Variants in PRELID2 observed in about 807,000 individuals in gnomAD.
The protein encoded by PRELID2 is PRELI domain containing 2, also known as PRELI domain-containing protein 2.
A neutral mutation model predicts 28.4 loss-of-function variants in PRELID2; 25 were observed. The ratio of observed to expected loss-of-function variants is 0.88; its 90% CI spans 0.64 to 1.23. PRELID2 has a LOEUF of 1.23. Ranked by LOEUF, PRELID2 falls within the 50% of genes most tolerant of loss-of-function variation. The probability of loss-of-function intolerance (pLI) is 0.00; values close to 1 mark genes in which losing one functional copy is unlikely to be tolerated. For missense variants in PRELID2, 201 were observed against 214.4 expected (o/e 0.94, Z 0.39); for synonymous variants, 76 against 71.6 (o/e 1.06, Z -0.31).
intron 1 of PRELID2, among the ~76,000 whole-genome samples, chr5:145,635,159 T>G (rs1753983127): frequency 6.6e-6 from 1 of 152,232 alleles, no homozygotes; most frequent in African/African-American, 2.4e-5. Flanking sequence ...GCTTCTACCT[T>G]CTGTTTAGCA....
chr5:145,346,435 A>G, the PRELID2 span, among the ~76,000 whole-genome samples: 7,158 of 152,238 alleles, frequency 0.047, 589 homozygotes, highest in African/African-American at 0.16. Context: ...TAGTAACATC[A>G]TTTAAGGAAA....
chr5:145,750,915 A>T (rs1332068671), intron 1 of PRELID2, among the ~76,000 whole-genome samples: 1 of 152,188 alleles, frequency 6.6e-6, no homozygotes, highest in South Asian at 2.1e-4. Context: ...TAATTATACC[A>T]ATTCCCATTG....
At chr5:145,558,250 T>C (rs9986311) in intron 1 of PRELID2, among the ~76,000 whole-genome samples, 53,388 of 152,078 alleles carry the variant, frequency 0.35, 10,314 homozygotes, top group African/African-American at 0.53. Context: ...CTAAAGGATG[T>C]ACTCGATAAT....
intron 1 of PRELID2, among the ~76,000 whole-genome samples, chr5:145,556,193 A>G (rs112195444): frequency 0.021 from 3,106 of 150,060 alleles, 62 homozygotes; most frequent in African/African-American, 0.051. Context: ...AAAAAAAAAA[A>G]AAAAGAAAAG....
the PRELID2 span, among the ~76,000 whole-genome samples, chr5:145,242,492 G>A: frequency 4.6e-5 from 7 of 152,050 alleles, no homozygotes; most frequent in African/African-American, 1.4e-4. Flanking sequence ...TAAAGGGTCT[G>A]TCCAAGGTTA....
the PRELID2 span, among the ~76,000 whole-genome samples, chr5:145,286,692 A>C: frequency 6.8e-6 from 1 of 146,034 alleles, no homozygotes; most frequent in East Asian, 2.0e-4. Flanking sequence ...CTGCCAACAT[A>C]GAAGTTTTTG....
At position 145,643,058 on chromosome 5, in the gene PRELID2, C is replaced by T. The variant is rs537926341; in HGVS notation, n.70+121873G>A. On this transcript the variant is annotated intron_variant and non_coding_transcript_variant, in intron 1 of 2. Coordinates refer to the PRELID2 transcript ENST00000510259. ...TTTTTTCCAATTCTATGAAGAAAGT[C>T]AATGGTAGCTTGACGGGGATAGCAT... Among the ~76,000 whole-genome samples the T allele has an allele frequency of 1.6e-4, 24 of 152,246 alleles. No homozygotes were observed. The South Asian group carries it at 5.0e-3, about 32-fold the overall frequency.
At chr5:145,347,697 T>C in the PRELID2 span, among the ~76,000 whole-genome samples, 1 of 151,988 alleles carries the variant, frequency 6.6e-6, no homozygotes, top group Non-Finnish European at 1.5e-5. Context: ...TTTACCCCCT[T>C]TGAGTAAATA....
At chr5:145,450,463 C>T in the PRELID2 span, among the ~76,000 whole-genome samples, 6 of 152,018 alleles carry the variant, frequency 3.9e-5, no homozygotes, top group East Asian at 3.9e-4. Flanking sequence ...CCTGGGCAGC[C>T]GGTCAGTGAC....
chr5:145,822,130 G>C (rs1335801289), intron 2 of PRELID2, among the ~76,000 whole-genome samples: 3 of 152,176 alleles, frequency 2.0e-5, no homozygotes, highest in Admixed American at 6.5e-5. Context: ...TGATTCCTAA[G>C]AAGGGTAAAG....
In PRELID2 at chr5:145,740,836, TTA is replaced by T. The variant is rs1756675349; in HGVS notation, n.70+24093_70+24094del. Among the ~76,000 whole-genome samples, 3 of 113,988 alleles carry T rather than the reference TTA, an allele frequency of 2.6e-5. 1 individual carries two copies. Among genetic ancestry groups the T allele is most frequent in the African/African-American group, 1.0e-4 (3 of 29,514 alleles). The allele number at this position is 113,988 out of a possible 152,430, so 74.8% of individuals were successfully genotyped here. A position where few individuals can be genotyped will look rare whatever the true frequency, so the allele number is the denominator to read the frequency against. On this transcript the variant is annotated intron_variant and non_coding_transcript_variant, in intron 1 of 2. Coordinates refer to the PRELID2 transcript ENST00000510259. ...ATTATACATATATACAAATATATAT[TTA>T]TCGATAAATATATATGTACATATAT...
chr5:145,467,249 C>A (rs970015790), downstream of PRELID2, among the ~76,000 whole-genome samples: 17 of 152,106 alleles, frequency 1.1e-4, no homozygotes, highest in African/African-American at 3.9e-4. Flanking sequence ...CAGAACACAA[C>A]TCTAGCCCAC....
chr5:145,569,440 T>C (rs1752998879), intron 1 of PRELID2, among the ~76,000 whole-genome samples: 1 of 152,242 alleles, frequency 6.6e-6, no homozygotes, highest in Non-Finnish European at 1.5e-5. Context: ...TGCCTTCTCT[T>C]TTCTTCTCAT....
chr5:145,247,292 T>G, the PRELID2 span, among the ~76,000 whole-genome samples: 2 of 152,134 alleles, frequency 1.3e-5, no homozygotes, highest in African/African-American at 4.8e-5. Flanking sequence ...CCCCAGATGC[T>G]GGAGACTGAT....
chr5:145,526,232 A>G (rs1460549631), intron 1 of PRELID2, among the ~76,000 whole-genome samples: 1 of 152,218 alleles, frequency 6.6e-6, no homozygotes, highest in Non-Finnish European at 1.5e-5. Context: ...GGACTCATCC[A>G]AGGTCACACG....
the PRELID2 span, among the ~76,000 whole-genome samples, chr5:145,261,611 T>A: frequency 2.0e-5 from 3 of 152,054 alleles, no homozygotes; most frequent in Non-Finnish European, 1.5e-5. Context: ...GCAGTTCAGC[T>A]CTCAGGAATT....
intron 1 of PRELID2, among the ~76,000 whole-genome samples, chr5:145,653,560 C>A (rs1289760568): frequency 2.0e-5 from 3 of 152,214 alleles, no homozygotes; most frequent in African/African-American, 7.2e-5. Context: ...TCTCAGACCA[C>A]AGTGCAATCA....
chr5:145,546,295 C>T (rs945411978), intron 1 of PRELID2, among the ~76,000 whole-genome samples: 1 of 152,028 alleles, frequency 6.6e-6, no homozygotes, highest in African/African-American at 2.4e-5. Flanking sequence ...CATTTTAATA[C>T]TCAATATCTC....
the PRELID2 span, among the ~76,000 whole-genome samples, chr5:145,412,712 C>A: frequency 0.41 from 62,439 of 152,006 alleles, 13,191 homozygotes; most frequent in Admixed American, 0.48. Flanking sequence ...CTCCTGGTAC[C>A]AATTTACTGC....
Sources: gnomAD v4.1 joint callset for allele counts (sites outside exome capture counted in the v4.1 genomes callset) on GRCh38, gnomAD v4.1.1 for gene constraint, MANE v1.5 for transcripts, NCBI Gene and HGNC (gene_info 2026-07-23, HGNC 2026-07-21) for gene names.